AGBL3: variants seen among roughly 807,000 people sequenced by gnomAD.
The protein encoded by AGBL3 is cytosolic carboxypeptidase 3.
A neutral mutation model predicts 94.5 loss-of-function variants in AGBL3; 68 were observed. The ratio of observed to expected loss-of-function variants is 0.72; its 90% CI spans 0.59 to 0.88. AGBL3 has a LOEUF of 0.88. Among genes scored for constraint, AGBL3 ranks in the 40% least tolerant of loss-of-function variants. The pLI is 0.00. For missense variants in AGBL3, 934 were observed against 1,103.8 expected (o/e 0.85, Z 2.18); for synonymous variants, 354 against 370.7 (o/e 0.95, Z 0.52).
chr7:135,083,582 C>A (rs1821096031), intron 15 of AGBL3, among the ~76,000 whole-genome samples: 1 of 152,116 alleles, frequency 6.6e-6, no homozygotes, highest in African/African-American at 2.4e-5. Flanking sequence ...TGATACAACA[C>A]TATTTTGTAT....
rs1017436007 is a variant in AGBL3 at position 135,125,474 on chromosome 7, G to A, written c.2343-9367G>A. 8.5e-5 allele frequency among the ~76,000 whole-genome samples: 13 copies of A among 152,266 alleles called. No individual in the cohort carries two copies. In the East Asian group the frequency reaches 2.1e-3, roughly 25 times the overall value. On this transcript the variant is annotated intron_variant, in intron 16 of 16. Coordinates refer to ENST00000436302, the MANE Select transcript of AGBL3 (RefSeq NM_178563.4). ...AATTTTACCAGAAGTACAAAGAAGAGCTGGTACCATTCCTTCTGAAACTAC... is the reference window on the plus strand; with the variant it reads ...AATTTTACCAGAAGTACAAAGAAGAACTGGTACCATTCCTTCTGAAACTAC...
At chr7:135,045,713 T>C (rs1817292553) in intron 10 of AGBL3, 86 bp from the exon 11 acceptor site, 2 of 1,318,742 alleles carry the variant, frequency 1.5e-6, no homozygotes, top group African/African-American at 1.5e-5. Flanking sequence ...CCAGTAACAA[T>C]TGTTCCAGGT....
At chr7:135,004,736 A>G (rs1227730667) in intron 4 of AGBL3, among the ~76,000 whole-genome samples, 2 of 151,528 alleles carry the variant, frequency 1.3e-5, no homozygotes, top group Non-Finnish European at 3.0e-5. Context: ...TAAAGATAGG[A>G]GATTTTTTTC....
chr7:135,106,272 G>T (rs192170279), intron 15 of AGBL3, among the ~76,000 whole-genome samples: 48 of 152,272 alleles, frequency 3.2e-4, no homozygotes, highest in African/African-American at 1.1e-3. Flanking sequence ...ATGTTGAATA[G>T]AAAGGTGAGA....
intron 15 of AGBL3, among the ~76,000 whole-genome samples, chr7:135,087,327 C>T (rs1269134904): frequency 1.3e-5 from 2 of 151,468 alleles, no homozygotes; most frequent in Non-Finnish European, 3.0e-5. Context: ...ATCTCAATTT[C>T]ATATACTCTG....
At chr7:135,067,998 G>T (rs1584992512) in intron 12 of AGBL3, among the ~76,000 whole-genome samples, 1 of 152,148 alleles carries the variant, frequency 6.6e-6, no homozygotes, top group African/African-American at 2.4e-5. Flanking sequence ...AAAAAAATTA[G>T]ACGAATGGCT....
At chr7:135,098,779 C>A (rs1337086016) in intron 15 of AGBL3, among the ~76,000 whole-genome samples, 5 of 152,074 alleles carry the variant, frequency 3.3e-5, no homozygotes, top group African/African-American at 9.7e-5. Flanking sequence ...CAAAAATATC[C>A]TACTTTATCA....
At chr7:134,988,622 T>A (rs561786145) in intron 2 of AGBL3, among the ~76,000 whole-genome samples, 1 of 152,210 alleles carries the variant, frequency 6.6e-6, no homozygotes, top group African/African-American at 2.4e-5. Flanking sequence ...GTTTTTCTTT[T>A]TGTTAATTTA....
intron 16 of AGBL3, among the ~76,000 whole-genome samples, chr7:135,134,190 G>A (rs1166368436): frequency 2.0e-5 from 3 of 152,054 alleles, no homozygotes; most frequent in African/African-American, 7.2e-5. Context: ...GGTTTTGCAA[G>A]CTATTTTGGG....
intron 15 of AGBL3, among the ~76,000 whole-genome samples, chr7:135,086,166 C>T (rs1821323755): frequency 6.6e-6 from 1 of 151,848 alleles, no homozygotes; most frequent in African/African-American, 2.4e-5. Flanking sequence ...TACCACTGAT[C>T]TTTGTATGCT....
At chr7:135,117,382 AT>A (rs1235117865) in intron 16 of AGBL3, among the ~76,000 whole-genome samples, 1 of 152,188 alleles carries the variant, frequency 6.6e-6, no homozygotes, top group Non-Finnish European at 1.5e-5. Context: ...CAGCCCTATG[AT>A]TACATTCAGA....
intron 15 of AGBL3, among the ~76,000 whole-genome samples, chr7:135,102,623 T>TG (rs1824014143): frequency 8.8e-6 from 1 of 113,064 alleles, no homozygotes; most frequent in Non-Finnish European, 2.0e-5. Context: ...CTTTCTCTTG[T>TG]GGTTTTTTTT....
intron 15 of AGBL3, among the ~76,000 whole-genome samples, chr7:135,085,524 T>A (rs1821268320): frequency 6.6e-6 from 1 of 152,056 alleles, no homozygotes; most frequent in Admixed American, 6.5e-5. Flanking sequence ...TTGACCTTTT[T>A]TATGGTGAGA....
chr7:135,103,868 T>C (rs1174065035), intron 15 of AGBL3, among the ~76,000 whole-genome samples: 1 of 152,192 alleles, frequency 6.6e-6, no homozygotes, highest in East Asian at 1.9e-4. Flanking sequence ...CTTCAACTGC[T>C]TCAACTGCTT....
intron 14 of AGBL3, among the ~76,000 whole-genome samples, chr7:135,081,254 A>C (rs1174684129): frequency 6.6e-6 from 1 of 152,164 alleles, no homozygotes; most frequent in African/African-American, 2.4e-5. Flanking sequence ...TCCTATATTT[A>C]TCCACATACA....
chr7:135,125,608 C>A (rs1827768444), intron 16 of AGBL3, among the ~76,000 whole-genome samples: 1 of 152,168 alleles, frequency 6.6e-6, no homozygotes, highest in Non-Finnish European at 1.5e-5. Flanking sequence ...AAACTTCAGA[C>A]CAATATTCCT....
intron 16 of AGBL3, among the ~76,000 whole-genome samples, chr7:135,127,040 C>T (rs1827971737): frequency 6.6e-6 from 1 of 152,272 alleles, no homozygotes; most frequent in Admixed American, 6.5e-5. Flanking sequence ...TACTAAAGAG[C>T]TTCTGCATAG....
chr7:135,074,058 G>T (rs988752966), intron 12 of AGBL3, among the ~76,000 whole-genome samples: 3 of 151,666 alleles, frequency 2.0e-5, no homozygotes, highest in African/African-American at 4.9e-5. Context: ...GCTGAGAATG[G>T]GTCTTAAGTA....
chr7:135,098,807 T>C (rs1823320186), intron 15 of AGBL3, among the ~76,000 whole-genome samples: 1 of 152,184 alleles, frequency 6.6e-6, no homozygotes, highest in Admixed American at 6.5e-5. Flanking sequence ...CTAAGAAATA[T>C]GTCATTGTTA....
Sources: gnomAD v4.1 joint callset for allele counts (sites outside exome capture counted in the v4.1 genomes callset) on GRCh38, gnomAD v4.1.1 for gene constraint, MANE v1.5 for transcripts, NCBI Gene and HGNC (gene_info 2026-07-23, HGNC 2026-07-21) for gene names.